The following PPP2R3A variants were observed in gnomAD, a reference collection of about 807,000 sequenced individuals.
The protein encoded by PPP2R3A is serine/threonine-protein phosphatase 2A regulatory subunit B'' subunit alpha.
PPP2R3A carries 80 observed loss-of-function variants against 106.9 expected under a neutral mutation model. The observed-to-expected ratio is 0.75, with a 90% CI of 0.62 to 0.90. The LOEUF (loss-of-function observed/expected upper bound fraction) is 0.90. PPP2R3A is among the 40% of genes least tolerant of loss of function. PPP2R3A has a pLI of 0.00. For missense variants in PPP2R3A, 1,386 were observed against 1,350.4 expected, an observed-to-expected ratio of 1.03 and a Z score of -0.41; for synonymous variants, 483 against 468.3, an observed-to-expected ratio of 1.03 and a Z score of -0.41.
intron 1 of PPP2R3A, among the ~76,000 whole-genome samples, chr3:135,979,534 T>C (rs1937510992): frequency 6.6e-6 from 1 of 151,816 alleles, no homozygotes; most frequent in South Asian, 2.1e-4. Flanking sequence ...GGGAACACGA[T>C]GTGTCATATG....
At chr3:135,990,334 G>A (rs1933107054) in intron 1 of PPP2R3A, among the ~76,000 whole-genome samples, 1 of 152,120 alleles carries the variant, frequency 6.6e-6, no homozygotes, top group African/African-American at 2.4e-5. Flanking sequence ...TCAGGGAAGG[G>A]AAGGAGGATG....
intron 13 of PPP2R3A, among the ~76,000 whole-genome samples, chr3:136,113,310 G>A (rs1458228577): frequency 1.3e-5 from 2 of 152,084 alleles, no homozygotes; most frequent in African/African-American, 4.8e-5. Flanking sequence ...AACACCAGTG[G>A]AACAGATTAG....
At chr3:136,103,904 C>A (rs1249463567) in intron 12 of PPP2R3A, among the ~76,000 whole-genome samples, 1 of 152,152 alleles carries the variant, frequency 6.6e-6, no homozygotes, top group East Asian at 1.9e-4. Context: ...CTGAATAAAG[C>A]TGAATATCCT....
chr3:136,090,971 T>C (rs548838178), intron 10 of PPP2R3A, among the ~76,000 whole-genome samples: 1 of 152,290 alleles, frequency 6.6e-6, no homozygotes, highest in Admixed American at 6.5e-5. Context: ...AATTACTTGT[T>C]TTATCATCTT....
intron 1 of PPP2R3A, among the ~76,000 whole-genome samples, chr3:135,981,748 C>A (rs1937541581): frequency 6.6e-6 from 1 of 151,554 alleles, no homozygotes; most frequent in South Asian, 2.1e-4. Flanking sequence ...AGACATTAAA[C>A]TACATAATAG....
chr3:136,104,298 T>TTGTG (rs55839641), intron 12 of PPP2R3A, among the ~76,000 whole-genome samples: 2,004 of 148,750 alleles, frequency 0.013, 44 homozygotes, highest in African/African-American at 0.046. Flanking sequence ...GTTTCTTTCT[T>TTGTG]TGTGTGTGTG....
rs577637866 is a variant in PPP2R3A at position 136,106,903 on chromosome 3, C to T, written c.3329+581C>T. The stretch of plus-strand genomic sequence containing the variant: ...TCATGCCATTGCACTCCAGCTTGGG[C>T]AACAAGAGCAAAACTCCGTCTCCAA... On this transcript the variant is annotated intron_variant, in intron 13 of 13. Coordinates refer to ENST00000264977, the MANE Select transcript of PPP2R3A (RefSeq NM_002718.5). 1.4e-4 allele frequency: 14 copies of T among 97,292 alleles called. No individual in the cohort carries two copies. In the East Asian group the frequency reaches 4.9e-3, roughly 34 times the overall value. 6.0% of individuals were successfully genotyped at this position (97,292 alleles called of 1,614,324 possible).
chr3:136,116,612 C>G (rs553893341), intron 13 of PPP2R3A, among the ~76,000 whole-genome samples: 1 of 152,148 alleles, frequency 6.6e-6, no homozygotes, highest in Non-Finnish European at 1.5e-5. Context: ...ATAAAACAGA[C>G]TTTAAACCAA....
chr3:136,118,099 T>C (rs545387688), intron 13 of PPP2R3A, among the ~76,000 whole-genome samples: 2 of 152,196 alleles, frequency 1.3e-5, no homozygotes, highest in East Asian at 3.9e-4. Context: ...TGTAATTCCA[T>C]CACATAAACA....
At chr3:136,069,560 G>A (rs1576478309) in intron 5 of PPP2R3A, among the ~76,000 whole-genome samples, 2 of 152,222 alleles carry the variant, frequency 1.3e-5, no homozygotes, top group African/African-American at 4.8e-5. Context: ...CCTGGGAGGC[G>A]GAGCGAGACT....
chr3:136,108,763 A>T (rs1342321102), intron 13 of PPP2R3A, among the ~76,000 whole-genome samples: 1 of 152,170 alleles, frequency 6.6e-6, no homozygotes, highest in Non-Finnish European at 1.5e-5. Context: ...AAATAAATAA[A>T]TCAGCATGCC....
intron 2 of PPP2R3A, among the ~76,000 whole-genome samples, chr3:136,023,815 C>G (rs1934552578): frequency 6.6e-6 from 1 of 152,008 alleles, no homozygotes; most frequent in East Asian, 1.9e-4. Flanking sequence ...TCATTTCTGC[C>G]TATGATGAGT....
chr3:136,018,009 G>C (rs1934337047), intron 2 of PPP2R3A, among the ~76,000 whole-genome samples: 1 of 152,228 alleles, frequency 6.6e-6, no homozygotes, highest in Admixed American at 6.5e-5. Flanking sequence ...GCTCACACCT[G>C]TAATCCCAGC....
intron 3 of PPP2R3A, among the ~76,000 whole-genome samples, chr3:136,030,761 C>CATACATATATATATATATATATAT (rs1934842801): frequency 1.0e-5 from 1 of 100,350 alleles, no homozygotes; most frequent in African/African-American, 4.4e-5. Flanking sequence ...TATTCCATCA[C>CATACATATATATATATATATATAT]ATATATATAT....
chr3:136,021,622 A>G (rs147563857), intron 2 of PPP2R3A, among the ~76,000 whole-genome samples: 1 of 152,202 alleles, frequency 6.6e-6, no homozygotes, highest in East Asian at 1.9e-4. Flanking sequence ...TTTTGTTTTA[A>G]TAATGTTTGG....
intron 5 of PPP2R3A, chr3:136,055,881 A>T (rs1415406697): frequency 4.7e-6 from 2 of 422,992 alleles, no homozygotes; most frequent in Non-Finnish European, 8.4e-6. Flanking sequence ...AGGGGAGCGT[A>T]AATCACCATT....
At chr3:135,966,224 A>G (rs1422627864) in intron 1 of PPP2R3A, among the ~76,000 whole-genome samples, 4 of 152,194 alleles carry the variant, frequency 2.6e-5, no homozygotes. Flanking sequence ...GAACTTGTTA[A>G]CAGGAAAGCC....
Position 136,055,207 on chromosome 3 carries a change from T to C in PPP2R3A, c.2469+5846T>C, listed in dbSNP as rs1576466597. The C allele has an allele frequency of 2.8e-5, 21 of 753,518 alleles. No individual in the cohort carries two copies. The East Asian group carries it at 5.3e-4, about 19-fold the overall frequency. 46.7% of individuals were successfully genotyped at this position (753,518 alleles called of 1,614,324 possible). On this transcript the variant is annotated intron_variant, in intron 5 of 13. Coordinates refer to ENST00000264977, the MANE Select transcript of PPP2R3A (RefSeq NM_002718.5). ...ATATAGAAGAGATGACTGTGCAAGATAAAATTAAAAAGCCAGACATACTTT... is the reference window on the plus strand; with the variant it reads ...ATATAGAAGAGATGACTGTGCAAGACAAAATTAAAAAGCCAGACATACTTT...
chr3:136,006,863 T>C (rs1933863253), intron 2 of PPP2R3A, among the ~76,000 whole-genome samples: 1 of 152,218 alleles, frequency 6.6e-6, no homozygotes, highest in Admixed American at 6.5e-5. Flanking sequence ...CAAAAATTGT[T>C]CTAACAGAAC....
Sources: allele counts gnomAD v4.1 joint callset (sites outside exome capture counted in the v4.1 genomes callset), GRCh38; gene constraint gnomAD v4.1.1; transcripts MANE v1.5; gene names NCBI Gene and HGNC (gene_info 2026-07-23, HGNC 2026-07-21).